The following ABTB3 variants were observed in gnomAD, a reference collection of about 807,000 sequenced individuals.
The protein encoded by ABTB3 is ankyrin repeat and BTB domain containing 3.
chr12:107,341,758 C>G, the ABTB3 span, among the ~76,000 whole-genome samples: 1 of 152,126 alleles, frequency 6.6e-6, no homozygotes, highest in Admixed American at 6.5e-5. Context: ...TGGAAGTGAG[C>G]CTGGTGGGAG....
At chr12:107,580,144 C>T in the ABTB3 span, among the ~76,000 whole-genome samples, 3 of 152,162 alleles carry the variant, frequency 2.0e-5, no homozygotes, top group Admixed American at 6.5e-5. Flanking sequence ...CCCAGCAGTC[C>T]GTATTTTAAC....
At chr12:107,562,499 G>C in the ABTB3 span, among the ~76,000 whole-genome samples, 1 of 152,172 alleles carries the variant, frequency 6.6e-6, no homozygotes, top group Non-Finnish European at 1.5e-5. Flanking sequence ...CACATGCCAG[G>C]ACCAGCAAGG....
the ABTB3 span, among the ~76,000 whole-genome samples, chr12:107,419,790 A>T: frequency 6.6e-6 from 1 of 152,152 alleles, no homozygotes. Context: ...TTCAGCCCAG[A>T]CTTGCTAACC....
At chr12:107,378,977 G>C in the ABTB3 span, among the ~76,000 whole-genome samples, 6 of 152,148 alleles carry the variant, frequency 3.9e-5, no homozygotes, top group Admixed American at 3.9e-4. Flanking sequence ...CCTGATTTTT[G>C]CTCACAGCAG....
At chr12:107,463,861 G>A in the ABTB3 span, among the ~76,000 whole-genome samples, 1 of 152,272 alleles carries the variant, frequency 6.6e-6, no homozygotes. Context: ...TGCTTTTAGA[G>A]AACACCATTC....
chr12:107,451,144 AG>A, the ABTB3 span, among the ~76,000 whole-genome samples: 1 of 152,178 alleles, frequency 6.6e-6, no homozygotes, highest in African/African-American at 2.4e-5. Context: ...TAGGTTTGAA[AG>A]AAGTGACATT....
At chr12:107,618,360 A>G in the ABTB3 span, 2 of 1,612,964 alleles carry the variant, frequency 1.2e-6, no homozygotes, top group Admixed American at 1.7e-5. Flanking sequence ...GGATGTCACA[A>G]TTGATATCAG....
the ABTB3 span, among the ~76,000 whole-genome samples, chr12:107,637,378 T>C: frequency 6.6e-6 from 1 of 152,120 alleles, no homozygotes; most frequent in South Asian, 2.1e-4. Flanking sequence ...GGCAACAGAT[T>C]GAGACTCCAT....
chr12:107,540,582 C>T, the ABTB3 span, among the ~76,000 whole-genome samples: 15 of 152,284 alleles, frequency 9.9e-5, no homozygotes, highest in East Asian at 1.2e-3. Context: ...ATCTGTTGGC[C>T]AGGCACTGAG....
At chr12:107,583,518 A>G in the ABTB3 span, among the ~76,000 whole-genome samples, 6 of 152,130 alleles carry the variant, frequency 3.9e-5, no homozygotes, top group Admixed American at 2.0e-4. Flanking sequence ...ACCATGTGTC[A>G]TTTTTCTGCT....
At chr12:107,504,115 T>G in the ABTB3 span, among the ~76,000 whole-genome samples, 1 of 152,178 alleles carries the variant, frequency 6.6e-6, no homozygotes, top group Non-Finnish European at 1.5e-5. Context: ...CAAACGAGAA[T>G]TTAGAGTCCT....
At chr12:107,584,130 C>T in the ABTB3 span, among the ~76,000 whole-genome samples, 5 of 152,168 alleles carry the variant, frequency 3.3e-5, no homozygotes, top group East Asian at 1.9e-4. Flanking sequence ...TACATCTACA[C>T]GTATATTTTC....
At chr12:107,354,993 T>C in the ABTB3 span, among the ~76,000 whole-genome samples, 2 of 152,208 alleles carry the variant, frequency 1.3e-5, no homozygotes, top group African/African-American at 4.8e-5. Context: ...GATTACATTC[T>C]TTTTTGTCGC....
At chr12:107,425,764 C>T in the ABTB3 span, among the ~76,000 whole-genome samples, 2 of 152,204 alleles carry the variant, frequency 1.3e-5, no homozygotes, top group Non-Finnish European at 2.9e-5. Flanking sequence ...GGCCTATGAG[C>T]TCCTTAAGCT....
chr12:107,555,655 G>A, the ABTB3 span, among the ~76,000 whole-genome samples: 1 of 152,180 alleles, frequency 6.6e-6, no homozygotes, highest in African/African-American at 2.4e-5. Context: ...ACCGTGTGTG[G>A]CTATTTACGT....
the ABTB3 span, among the ~76,000 whole-genome samples, chr12:107,462,950 T>C: frequency 6.6e-6 from 1 of 151,480 alleles, no homozygotes; most frequent in East Asian, 2.0e-4. Flanking sequence ...GACGCTCTAG[T>C]GACAGTGATG....
At chr12:107,631,157 T>C in the ABTB3 span, among the ~76,000 whole-genome samples, 3 of 152,214 alleles carry the variant, frequency 2.0e-5, no homozygotes, top group Admixed American at 1.3e-4. Flanking sequence ...TATTTCCATG[T>C]GTACCCAGTG....
At chr12:107,439,075 GAACA>G in the ABTB3 span, among the ~76,000 whole-genome samples, 7 of 152,160 alleles carry the variant, frequency 4.6e-5, no homozygotes, top group African/African-American at 1.2e-4. Context: ...GTCTCTTGAA[GAACA>G]AACAGTTTGT....
At chr12:107,497,187 C>T in the ABTB3 span, among the ~76,000 whole-genome samples, 2 of 151,750 alleles carry the variant, frequency 1.3e-5, no homozygotes, top group African/African-American at 2.4e-5. Context: ...TCCTCAATAC[C>T]ACCACCATCA....
Sources: gnomAD v4.1 joint callset for allele counts (sites outside exome capture counted in the v4.1 genomes callset) on GRCh38, gnomAD v4.1.1 for gene constraint, MANE v1.5 for transcripts, NCBI Gene and HGNC (gene_info 2026-07-23, HGNC 2026-07-21) for gene names.